Variants in MYO18A observed in about 807,000 individuals in gnomAD.
The protein encoded by MYO18A is unconventional myosin-XVIIIa.
A neutral mutation model predicts 235.8 loss-of-function variants in MYO18A; 78 were observed. The observed-to-expected ratio is 0.33, with a 90% CI of 0.28 to 0.40. MYO18A has a LOEUF of 0.40. Ranked by LOEUF, MYO18A falls within the 10% of genes least tolerant of loss-of-function variation. The pLI is 1.00. For missense variants in MYO18A, 2,215 were observed against 2,699.3 expected, an observed-to-expected ratio of 0.82 and a Z score of 3.98; for synonymous variants, 977 against 1,077.8, an observed-to-expected ratio of 0.91 and a Z score of 1.83.
intron 2 of MYO18A, among the ~76,000 whole-genome samples, chr17:29,137,586 A>G (rs781340319): frequency 3.3e-5 from 5 of 152,210 alleles, no homozygotes; most frequent in African/African-American, 7.2e-5. Context: ...GCTGACTTAA[A>G]GAAAGAAAAA....
At chr17:29,090,959 C>T in intron 34 of MYO18A, 33 bp from the exon 35 acceptor site, 1 of 1,577,892 alleles carries the variant, frequency 6.3e-7, no homozygotes, top group South Asian at 1.1e-5. Context: ...CAGAGGGCCT[C>T]AGGCCCAGTG....
intron 34 of MYO18A, chr17:29,091,410 G>T (rs2066395587): frequency 3.0e-6 from 1 of 335,870 alleles, no homozygotes; most frequent in Non-Finnish European, 5.9e-6. Flanking sequence ...GGGAGGGGAA[G>T]AGAGATCCAA....
At chr17:29,165,661 A>G in intron 2 of MYO18A, 1 of 408,540 alleles carries the variant, frequency 2.4e-6, no homozygotes, top group South Asian at 4.3e-5. Context: ...GACAAGGTTG[A>G]GAGACGAAGG....
At position 29,071,343 on chromosome 17, in the gene MYO18A, G is replaced by C. The variant is rs536806407; in HGVS notation, c.*3427C>G. 6.6e-6 allele frequency: 1 copy of C among 152,332 alleles called. No individual in the cohort carries two copies. Among genetic ancestry groups the C allele is most frequent in the Non-Finnish European group, 1.5e-5 (1 of 68,044 alleles). The allele number at this position is 152,332 out of a possible 1,614,324, so 9.4% of individuals were successfully genotyped here. A position where few individuals can be genotyped will look rare whatever the true frequency, so the allele number is the denominator to read the frequency against. The stretch of plus-strand genomic sequence containing the variant: ...GGACCAGAGGTACCATGAGTGTACA[G>C]GTAAGGTCAACAGCAGAGCCTTCAA... On this transcript the variant is annotated 3_prime_UTR_variant, in exon 42 of 42. Transcript: ENST00000527372.
At chr17:29,139,551 T>C (rs556868184) in intron 2 of MYO18A, among the ~76,000 whole-genome samples, 1 of 151,910 alleles carries the variant, frequency 6.6e-6, no homozygotes, top group Admixed American at 6.5e-5. Context: ...CTGATGCACC[T>C]CCGCACCAGG....
chr17:29,136,249 AAATATATAT>A lies in MYO18A; in HGVS notation c.1000-14005_1000-13997del, dbSNP rs1426908557. Among the ~76,000 whole-genome samples, 136 of 77,594 alleles carry A rather than the reference AAATATATAT, an allele frequency of 1.8e-3. 1 individual carries two copies. The highest frequency in any genetic ancestry group is 5.7e-3 in the African/African-American group (129 of 22,500). The allele number at this position is 77,594 out of a possible 152,430, so 50.9% of individuals were successfully genotyped here. On this transcript the variant is annotated intron_variant, in intron 2 of 41. Coordinates refer to ENST00000527372, the MANE Select transcript of MYO18A (RefSeq NM_078471.4). ...CCATCTCAAAAGAAAAAAAAAAAAA[AAATATATAT>A]ATATATATATATATATGTAATGTAT... is the stretch of plus-strand genomic sequence containing the variant.
intron 2 of MYO18A, chr17:29,131,319 G>C (rs150035185): frequency 1.1e-6 from 1 of 878,906 alleles, no homozygotes; most frequent in Non-Finnish European, 1.4e-6. Flanking sequence ...ACACATGCAC[G>C]CATGCACACA....
At chr17:29,123,254 TTG>T (rs1598343047) in intron 2 of MYO18A, among the ~76,000 whole-genome samples, 2 of 152,106 alleles carry the variant, frequency 1.3e-5, no homozygotes, top group South Asian at 4.1e-4. Context: ...GCTCCTCTTG[TTG>T]TGTGTGGGCG....
At chr17:29,149,424 G>A (rs1445288963) in intron 2 of MYO18A, among the ~76,000 whole-genome samples, 2 of 152,178 alleles carry the variant, frequency 1.3e-5, no homozygotes, top group African/African-American at 2.4e-5. Flanking sequence ...ATGGGACGGC[G>A]AGCCACAGAT....
At chr17:29,170,157 G>A (rs1434547589) in intron 1 of MYO18A, among the ~76,000 whole-genome samples, 1 of 152,130 alleles carries the variant, frequency 6.6e-6, no homozygotes, top group Non-Finnish European at 1.5e-5. Flanking sequence ...AGTCTCCTGT[G>A]GACACAGGTT....
intron 2 of MYO18A, among the ~76,000 whole-genome samples, chr17:29,157,002 G>C (rs2068078325): frequency 6.6e-6 from 1 of 152,216 alleles, no homozygotes; most frequent in East Asian, 1.9e-4. Context: ...GCGTGGCCCT[G>C]AGCAACACGG....
In MYO18A at chr17:29,121,415, G is replaced by A. The variant is rs2067196917; in HGVS notation, c.1371+132C>T. On this transcript the variant is annotated intron_variant, in intron 5 of 41. Coordinates refer to ENST00000527372, the MANE Select transcript of MYO18A (RefSeq NM_078471.4). The surrounding 1 kb of genome is among the most constrained non-coding windows in gnomAD (Gnocchi z 4.2). ...GGGGAGGTCCTGTCCCCCATCTCTT[G>A]AAATGACTCCTCTTCCCAAGGTCAA... The A allele has an allele frequency of 8.8e-7, 1 of 1,141,558 alleles. No individual in the cohort carries two copies. Among genetic ancestry groups the A allele is most frequent in the South Asian group, 1.6e-5 (1 of 62,228 alleles). The allele number at this position is 1,141,558 out of a possible 1,614,324, so 70.7% of individuals were successfully genotyped here. A position where few individuals can be genotyped will look rare whatever the true frequency, so the allele number is the denominator to read the frequency against.
At chr17:29,159,765 C>G (rs571013975) in intron 2 of MYO18A, among the ~76,000 whole-genome samples, 2 of 152,302 alleles carry the variant, frequency 1.3e-5, no homozygotes, top group East Asian at 3.9e-4. Context: ...GAGGCTCATA[C>G]AGTTTCTACC....
chr17:29,169,625 C>T (rs1477823807), intron 1 of MYO18A, among the ~76,000 whole-genome samples: 1 of 152,156 alleles, frequency 6.6e-6, no homozygotes, highest in Non-Finnish European at 1.5e-5. Flanking sequence ...ATACCTTACC[C>T]ACCACTGCCT....
chr17:29,110,230 C>T, intron 18 of MYO18A, 129 bp from the exon 19 acceptor site: 1 of 1,396,628 alleles, frequency 7.2e-7, no homozygotes, highest in South Asian at 1.4e-5. Flanking sequence ...ACATGCTAAA[C>T]CTGGACAACT....
intron 20 of MYO18A, 57 bp from the exon 21 acceptor site, chr17:29,103,721 G>T (rs1406324415): frequency 6.4e-7 from 1 of 1,560,200 alleles, no homozygotes; most frequent in Non-Finnish European, 8.8e-7. Context: ...ACCATGCAGG[G>T]CTTTCTCCAG....
Position 29,121,754 on chromosome 17 carries a change from G to T in MYO18A, c.1195-31C>A. ...TGGGAGGACAGGCGGGTGGGTATTAGAGCAGCAGAGCCCATCTCCGCTGCC... is the reference window on the plus strand; with the variant it reads ...TGGGAGGACAGGCGGGTGGGTATTATAGCAGCAGAGCCCATCTCCGCTGCC... On this transcript the variant is annotated intron_variant, in intron 4 of 41. Transcript: ENST00000527372. The surrounding 1 kb of genome is among the most constrained non-coding windows in gnomAD (Gnocchi z 4.2). 6.3e-7 allele frequency: 1 copy of T among 1,583,958 alleles called. No homozygotes were observed. The highest frequency in any genetic ancestry group is 8.6e-7 in the Non-Finnish European group (1 of 1,163,322).
In MYO18A at chr17:29,166,030, C is replaced by A; in HGVS notation, c.911G>T (p.Arg304Leu). ...CTCTGGAATGGGCTGCACCTTGAGC[C>A]GCACGCTGTCCCCTGACTGCCGGAT... Reference protein sequence around the residue: ...EMIRQSGDSVRLKVQPIPELS... With the variant: ...EMIRQSGDSVLLKVQPIPELS... The change falls in exon 2 of 42, where the codon CGG becomes CTG. Residue 304 changes from arginine (R) to leucine (L), a missense_variant. Coordinates refer to ENST00000527372, the MANE Select transcript of MYO18A (RefSeq NM_078471.4). 6.2e-7 allele frequency: 1 copy of A among 1,613,724 alleles called. No individual in the cohort carries two copies. The highest frequency in any genetic ancestry group is 8.5e-7 in the Non-Finnish European group (1 of 1,179,888).
chr17:29,098,860 A>G lies in MYO18A; in HGVS notation c.3746T>C (p.Val1249Ala). Residue 1249 changes from valine to alanine, a missense_variant, in exon 23 of 42, where the codon GTA (valine) becomes GCA (alanine). Physicochemically the swap from Val to Ala is moderately conservative, Grantham distance 64. Coordinates refer to ENST00000527372, the MANE Select transcript of MYO18A (RefSeq NM_078471.4). ...LFTTVRPLIE[V>A]QLSEEQIRNK... ...CCGGATCTGCTCCTCTGACAGCTGT[A>G]CTTCGATGAGGGGCCTCACTGTGGT... is the stretch of plus-strand genomic sequence containing the variant. 6.2e-7 allele frequency: 1 copy of G among 1,613,946 alleles called. No homozygotes were observed. The highest frequency in any genetic ancestry group is 1.1e-5 in the South Asian group (1 of 91,086).
Sources: gnomAD v4.1 joint callset for allele counts (sites outside exome capture counted in the v4.1 genomes callset) on GRCh38, gnomAD v4.1.1 for gene constraint, Gnocchi (gnomAD v3.1) non-coding constraint, MANE v1.5 for transcripts, NCBI Gene and HGNC (gene_info 2026-07-23, HGNC 2026-07-21) for gene names.